The following COL6A3 variants were observed in gnomAD, a reference collection of about 807,000 sequenced individuals.
COL6A3 encodes collagen alpha-3(VI) chain.
Under a neutral mutation model 274.1 loss-of-function variants are expected in COL6A3, and 137 were observed. The ratio of observed to expected loss-of-function variants is 0.50; its 90% CI spans 0.44 to 0.58. COL6A3 has a LOEUF of 0.58. COL6A3 is among the 20% of genes least tolerant of loss of function. COL6A3 has a pLI of 0.00. For missense variants in COL6A3, 3,950 were observed against 4,124.9 expected, an observed-to-expected ratio of 0.96 and a Z score of 1.16; for synonymous variants, 1,650 against 1,650.6, an observed-to-expected ratio of 1.00 and a Z score of 0.01.
chr2:237,382,394 C>CA (rs952782324), intron 4 of COL6A3, among the ~76,000 whole-genome samples: 1 of 151,312 alleles, frequency 6.6e-6, no homozygotes, highest in Non-Finnish European at 1.5e-5. Flanking sequence ...AAAAAAAAAA[C>CA]AAAAAACCTG....
chr2:237,378,558 G>A, intron 6 of COL6A3, 78 bp downstream of exon 6: 2 of 1,603,278 alleles, frequency 1.2e-6, no homozygotes, highest in South Asian at 1.1e-5. Context: ...CAGTGCTCTT[G>A]AGTTCAGACT....
chr2:237,395,461 C>T (rs963005979), intron 2 of COL6A3, among the ~76,000 whole-genome samples: 3 of 152,146 alleles, frequency 2.0e-5, no homozygotes, highest in Admixed American at 2.0e-4. Context: ...GTAGCATGCT[C>T]CAGATTGGGG....
intron 1 of COL6A3, among the ~76,000 whole-genome samples, chr2:237,409,568 A>C (rs1458359396): frequency 6.6e-6 from 1 of 151,980 alleles, no homozygotes; most frequent in Admixed American, 6.5e-5. Context: ...TTTTGCTCTG[A>C]GCTAGAATTG....
chr2:237,382,314 AG>A (rs1247932883), intron 4 of COL6A3, among the ~76,000 whole-genome samples: 1 of 152,062 alleles, frequency 6.6e-6, no homozygotes, highest in Non-Finnish European at 1.5e-5. Context: ...ACCTGGAAGG[AG>A]GAGGTTCCAG....
chr2:237,400,615 A>T (rs1309309586), intron 1 of COL6A3, among the ~76,000 whole-genome samples: 1 of 152,046 alleles, frequency 6.6e-6, no homozygotes, highest in Non-Finnish European at 1.5e-5. Context: ...CGGTAATCAA[A>T]AACCTTCCAT....
rs34390834 is a variant in COL6A3 at position 237,360,133 on chromosome 2, G to A, written c.6237C>T (p.Asn2079=). ...GGCAGCCCTGGAAACCTTGAGTGCC[G>A]TTCACACCAGGCGGACCACGCTCAC... The part of the protein sequence containing the change: ...GPGERGPPGV[N]GTQGFQGCPG... Residue 2079 remains asparagine (N), a synonymous_variant, in exon 17 of 44, where the codon AAC becomes AAT. Coordinates refer to ENST00000295550, the MANE Select transcript of COL6A3 (RefSeq NM_004369.4). 6.1e-5 allele frequency: 98 copies of A among 1,614,108 alleles called. No individual in the cohort carries two copies. In the African/African-American group the frequency reaches 7.6e-4, roughly 13 times the overall value.
chr2:237,396,236 C>T (rs551234236), intron 2 of COL6A3, among the ~76,000 whole-genome samples: 8 of 152,288 alleles, frequency 5.3e-5, no homozygotes, highest in East Asian at 1.9e-4. Context: ...GCTTTTAATT[C>T]GTTTTGGGAA....
rs545975976 is a variant in COL6A3, at chr2:237,364,880, T to C, written c.5839-452A>G. Among the ~76,000 whole-genome samples the C allele has an allele frequency of 5.7e-4, 86 of 149,994 alleles. No individual in the cohort carries two copies. Among genetic ancestry groups the C allele is most frequent in the African/African-American group, 2.1e-3 (86 of 40,692 alleles). ...GGGTGCGTATGTGTGTGCATGTGTA[T>C]GGGTGCATGTGCGTGCATGTGTGTG... On this transcript the variant is annotated intron_variant, in intron 12 of 43. Transcript: ENST00000295550. The surrounding 1 kb of genome is among the most constrained non-coding windows in gnomAD (Gnocchi z 4.6).
chr2:237,390,187 G>A (rs773688412), intron 3 of COL6A3, among the ~76,000 whole-genome samples: 5 of 152,166 alleles, frequency 3.3e-5, no homozygotes, highest in Middle Eastern at 3.2e-3. Flanking sequence ...TCCCTAAGTC[G>A]CAGGATAACA....
intron 14 of COL6A3, 151 bp downstream of exon 14, chr2:237,363,102 C>A: frequency 2.4e-6 from 2 of 825,356 alleles, no homozygotes; most frequent in Admixed American, 1.9e-5. Flanking sequence ...GGCAACAAGG[C>A]AGTTCCCAAG....
In COL6A3 at chr2:237,394,620, C is replaced by A. The variant is rs1435513253; in HGVS notation, c.676G>T (p.Ala226Ser). 1.2e-6 allele frequency: 2 copies of A among 1,614,032 alleles called. No individual in the cohort carries two copies. Among genetic ancestry groups the A allele is most frequent in the South Asian group, 1.1e-5 (1 of 91,092 alleles). The change falls in exon 3 of 44, where the codon GCT becomes TCT. Residue 226 changes from alanine to serine, a missense_variant. Physicochemically the swap from Ala to Ser is moderately conservative, Grantham distance 99. Around this residue, in one of 5 missense-constraint regions of COL6A3, gnomAD observed 1,934 missense variants for 1,984.3 expected, o/e 0.97. Transcript: ENST00000295550. ...CVHSSVSPER[A>S]GDTETLKDIT... ...TCTTTAAGGGTTTCCGTGTCCCCAG[C>A]CCTTTCTGGACTCACGGATGAATGC...
Position 237,376,706 on chromosome 2 carries a change from C to A in COL6A3, c.3070+66G>T, listed in dbSNP as rs1047721435. The A allele has an allele frequency of 7.9e-6, 12 of 1,525,922 alleles. No homozygotes were observed. The African/African-American group carries it at 1.4e-4, about 17-fold the overall frequency. The allele number at this position is 1,525,922 out of a possible 1,614,324, so 94.5% of individuals were successfully genotyped here. A position where few individuals can be genotyped will look rare whatever the true frequency, so the allele number is the denominator to read the frequency against. Reference sequence around the variant, plus strand: ...CTTCTATCTAAGGACCAGTGGCCAGCAGCCTACCCTCAACTCATGCATTAG... The same window carrying A: ...CTTCTATCTAAGGACCAGTGGCCAGAAGCCTACCCTCAACTCATGCATTAG... On this transcript the variant is annotated intron_variant, in intron 7 of 43. Transcript: ENST00000295550.
chr2:237,364,794 T>G lies in COL6A3; in HGVS notation c.5839-366A>C, dbSNP rs1026931561. On this transcript the variant is annotated intron_variant, in intron 12 of 43. Coordinates refer to ENST00000295550, the MANE Select transcript of COL6A3 (RefSeq NM_004369.4). This position sits in a 1 kb window ranked among gnomAD's most constrained non-coding sequence, Gnocchi z 4.6. ...TACATATGTGTGTGTATGGGTGCAT[T>G]GTGTGTGCATGTGTGTGCACGTGTG... 1.0e-5 allele frequency among the ~76,000 whole-genome samples: 1 copy of G among 97,586 alleles called. No homozygotes were observed. Among genetic ancestry groups the G allele is most frequent in the Non-Finnish European group, 2.4e-5 (1 of 41,882 alleles). 64.0% of individuals were successfully genotyped at this position (97,586 alleles called of 152,430 possible). A position where few individuals can be genotyped will look rare whatever the true frequency, so the allele number is the denominator to read the frequency against.
Position 237,364,774 on chromosome 2 carries a change from ATGTG to A in COL6A3, c.5839-350_5839-347del, listed in dbSNP as rs1392537879. On this transcript the variant is annotated intron_variant, in intron 12 of 43. Transcript: ENST00000295550. This position sits in a 1 kb window ranked among gnomAD's most constrained non-coding sequence, Gnocchi z 4.6. Reference sequence around the variant, plus strand: ...TGTGTGTGCATGTGTGTGGGTACATATGTGTGTGTATGGGTGCATTGTGTGTGCA... The same window carrying A: ...TGTGTGTGCATGTGTGTGGGTACATATGTGTATGGGTGCATTGTGTGTGCA... 1.4e-5 allele frequency among the ~76,000 whole-genome samples: 2 copies of A among 145,384 alleles called. No homozygotes were observed. Among genetic ancestry groups the A allele is most frequent in the African/African-American group, 2.5e-5 (1 of 39,446 alleles).
At position 237,367,333 on chromosome 2, in the gene COL6A3, C is replaced by T; in HGVS notation, c.4901-47G>A. On this transcript the variant is annotated intron_variant, in intron 10 of 43. Transcript: ENST00000295550. ...ATAAGGAGAGATTAGGTTTCCAGAC[C>T]CAGAACATAAATACACAAAAGGTAA... 3 of 1,581,346 alleles carry T rather than the reference C, an allele frequency of 1.9e-6. No homozygotes were observed. The South Asian group carries it at 3.5e-5, about 19-fold the overall frequency.
rs1195915997 is a variant in COL6A3 at position 237,333,491 on chromosome 2, T to C, written c.9287A>G (p.Asn3096Ser). 12 of 1,614,086 alleles carry C rather than the reference T, an allele frequency of 7.4e-6. No individual in the cohort carries two copies. The highest frequency in any genetic ancestry group is 1.3e-5 in the African/African-American group (1 of 74,922). Residue 3096 changes from asparagine (N) to serine (S), a missense_variant, in exon 42 of 44, where the codon AAT becomes AGT. Physicochemically the swap from Asn to Ser is conservative, Grantham distance 46. Coordinates refer to ENST00000295550, the MANE Select transcript of COL6A3 (RefSeq NM_004369.4). Reference protein sequence around the residue: ...PARSASSSTINLMVSTEPLAL... With the variant: ...PARSASSSTISLMVSTEPLAL... ...CAATGGTTCTGTGCTCACCATTAGA[T>C]TGATGGTTGAACTAGAAGCTGACCT...
Position 237,388,040 on chromosome 2 carries a change from T to C in COL6A3, c.854A>G (p.Gln285Arg), listed in dbSNP as rs749109717. The C allele has an allele frequency of 1.9e-6, 3 of 1,614,212 alleles. No individual in the cohort carries two copies. The highest frequency in any genetic ancestry group is 2.5e-6 in the Non-Finnish European group (3 of 1,180,038). Reference sequence around the variant, plus strand: ...CATGGTTCTGGGCTCATCGCTAAACTGGACCACCCCCACTCGGATCTGCTG... The same window carrying C: ...CATGGTTCTGGGCTCATCGCTAAACCGGACCACCCCCACTCGGATCTGCTG... ...GTQQIRVGVV[Q>R]FSDEPRTMFS... The change falls in exon 4 of 44, where the codon CAG (glutamine) becomes CGG (arginine). Residue 285 changes from glutamine to arginine, a missense_variant. Coordinates refer to ENST00000295550, the MANE Select transcript of COL6A3 (RefSeq NM_004369.4).
At chr2:237,325,167 T>C (rs1559180258) in intron 43 of COL6A3, among the ~76,000 whole-genome samples, 1 of 152,228 alleles carries the variant, frequency 6.6e-6, no homozygotes, top group Non-Finnish European at 1.5e-5. Context: ...ATAATGGAGA[T>C]ACTGGATGGC....
In COL6A3 at chr2:237,361,842, G is replaced by A; in HGVS notation, c.6064-11C>T. The A allele has an allele frequency of 6.2e-7, 1 of 1,611,972 alleles. No individual in the cohort carries two copies. Among genetic ancestry groups the A allele is most frequent in the Non-Finnish European group, 8.5e-7 (1 of 1,178,038 alleles). On this transcript the variant is annotated splice_polypyrimidine_tract_variant and intron_variant, in intron 14 of 43. Coordinates refer to ENST00000295550, the MANE Select transcript of COL6A3 (RefSeq NM_004369.4). The surrounding 1 kb of genome is among the most constrained non-coding windows in gnomAD (Gnocchi z 5.1). ...CTCGGCAATGTTGTCCTACCGAAAGGAAGAGAAACCAAATGTTCAGATCTC... is the reference window on the plus strand; with the variant it reads ...CTCGGCAATGTTGTCCTACCGAAAGAAAGAGAAACCAAATGTTCAGATCTC...
Sources: gnomAD v4.1 joint callset for allele counts (sites outside exome capture counted in the v4.1 genomes callset) on GRCh38, gnomAD v4.1.1 for gene constraint, gnomAD v4.1.1 regional missense constraint, Gnocchi (gnomAD v3.1) non-coding constraint, MANE v1.5 for transcripts, NCBI Gene and HGNC (gene_info 2026-07-23, HGNC 2026-07-21) for gene names.